Variants in CWC27 observed in about 807,000 individuals in gnomAD.
The protein encoded by CWC27 is spliceosome-associated protein CWC27 homolog.
CWC27 carries 47 observed loss-of-function variants against 63.6 expected under a neutral mutation model. The observed-to-expected ratio is 0.74, with a 90% confidence interval of 0.58 to 0.94. The LOEUF (loss-of-function observed/expected upper bound fraction) is 0.94, where lower values mean the gene tolerates loss of function less well. Ranked by LOEUF, CWC27 falls within the 40% of genes least tolerant of loss-of-function variation. The pLI, the probability that CWC27 is intolerant of heterozygous loss-of-function variation, is 0.00. For synonymous variants in CWC27, 175 were observed against 179.8 expected, an observed-to-expected ratio of 0.97 and a Z score of 0.22; for missense variants, 495 against 554.3, an observed-to-expected ratio of 0.89 and a Z score of 1.07.
At chr5:64,797,231 T>A (rs553062721) in intron 7 of CWC27, among the ~76,000 whole-genome samples, 2 of 152,256 alleles carry the variant, frequency 1.3e-5, no homozygotes, top group East Asian at 3.9e-4. Context: ...AAAAATATAT[T>A]TGGTGTTTGT....
intron 13 of CWC27, among the ~76,000 whole-genome samples, chr5:65,016,302 A>T (rs553193081): frequency 5.9e-5 from 9 of 152,314 alleles, no homozygotes; most frequent in African/African-American, 2.2e-4. Flanking sequence ...ATATTCAGGT[A>T]TTAAGATCAG....
chr5:64,835,908 C>T (rs1009153040), intron 10 of CWC27, among the ~76,000 whole-genome samples: 1 of 151,726 alleles, frequency 6.6e-6, no homozygotes, highest in Non-Finnish European at 1.5e-5. Context: ...ATCCTTGGGA[C>T]TGCTGAAATG....
At chr5:64,963,061 T>C (rs906852811) in intron 11 of CWC27, among the ~76,000 whole-genome samples, 3 of 151,930 alleles carry the variant, frequency 2.0e-5, no homozygotes, top group African/African-American at 7.3e-5. Flanking sequence ...TTCAAGCAAT[T>C]CTCCTGCCTC....
intron 2 of CWC27, among the ~76,000 whole-genome samples, chr5:64,778,778 G>A (rs1561401200): frequency 6.6e-6 from 1 of 152,072 alleles, no homozygotes; most frequent in African/African-American, 2.4e-5. Context: ...AAGACCTTTT[G>A]GTTTTTATAG....
chr5:64,772,314 T>A (rs1233486957), intron 1 of CWC27, among the ~76,000 whole-genome samples: 7 of 152,272 alleles, frequency 4.6e-5, no homozygotes, highest in African/African-American at 1.7e-4. Context: ...TTTGTTTAAA[T>A]TCATTATTTA....
At chr5:64,807,823 C>T (rs1166122569) in intron 10 of CWC27, 1 of 1,532,486 alleles carries the variant, frequency 6.5e-7, no homozygotes, top group South Asian at 1.2e-5. Context: ...ATTTCTTCAA[C>T]CCGTATTTCT....
At chr5:64,786,673 C>T in intron 6 of CWC27, 46 bp downstream of exon 6, 1 of 1,149,004 alleles carries the variant, frequency 8.7e-7, no homozygotes, top group Non-Finnish European at 1.2e-6. Context: ...AAATGACACT[C>T]ATTCATTTAG....
At chr5:65,004,728 T>C (rs1490453861) in intron 13 of CWC27, among the ~76,000 whole-genome samples, 1 of 150,654 alleles carries the variant, frequency 6.6e-6, no homozygotes, top group African/African-American at 2.4e-5. Flanking sequence ...TGGAGAATTA[T>C]TGTGTTCCTT....
At chr5:64,846,878 C>T (rs761317720) in intron 10 of CWC27, among the ~76,000 whole-genome samples, 1 of 151,122 alleles carries the variant, frequency 6.6e-6, no homozygotes, top group Non-Finnish European at 1.5e-5. Flanking sequence ...CCTGTAATCC[C>T]AGCTACTCGG....
chr5:64,957,994 A>G (rs1001355489), intron 11 of CWC27, among the ~76,000 whole-genome samples: 2 of 152,168 alleles, frequency 1.3e-5, no homozygotes, highest in African/African-American at 2.4e-5. Context: ...TTTATTACCA[A>G]CATAACTGCT....
Position 64,878,244 on chromosome 5 carries a change from T to C in CWC27, c.939-7199T>C, listed in dbSNP as rs2112333868. ...TACTTTGTCTAATCATTTGGAATGC[T>C]ATAAGTTGACATTAGTTTTAAATGA... On this transcript the variant is annotated intron_variant, in intron 10 of 13. Coordinates refer to ENST00000381070, the MANE Select transcript of CWC27 (RefSeq NM_005869.4). 2.0e-5 allele frequency among the ~76,000 whole-genome samples: 3 copies of C among 151,854 alleles called. No homozygotes were observed. The East Asian group carries it at 5.8e-4, about 29-fold the overall frequency.
chr5:64,921,908 G>A lies in CWC27; in HGVS notation c.1042+36362G>A, dbSNP rs561994357. On this transcript the variant is annotated intron_variant, in intron 11 of 13. Transcript: ENST00000381070. ...CTGAAAAGGATTTCATTTCTCCTTCGCTTATGAAGCTTAGTTTGGCAGAAT... is the reference window on the plus strand; with the variant it reads ...CTGAAAAGGATTTCATTTCTCCTTCACTTATGAAGCTTAGTTTGGCAGAAT... Among the ~76,000 whole-genome samples, 8 of 152,220 alleles carry A rather than the reference G, an allele frequency of 5.3e-5. 1 individual carries two copies. The highest frequency in any genetic ancestry group is 3.9e-4 in the East Asian group (2 of 5,188).
rs137942699 is a variant in CWC27, at chr5:64,952,153, A to G, written c.1043-19550A>G. Among the ~76,000 whole-genome samples the G allele has an allele frequency of 1.5e-3, 221 of 152,120 alleles. 1 individual carries two copies. The highest frequency in any genetic ancestry group is 5.2e-3 in the African/African-American group (215 of 41,530). On this transcript the variant is annotated intron_variant, in intron 11 of 13. Transcript: ENST00000381070. ...CTTTAAATCAACTCTAGATTACTTT[A>G]TAATACCTAATGTAATGTAAATGAT... is the stretch of plus-strand genomic sequence containing the variant.
intron 10 of CWC27, among the ~76,000 whole-genome samples, chr5:64,872,037 G>A (rs1580692131): frequency 6.6e-6 from 1 of 152,080 alleles, no homozygotes; most frequent in African/African-American, 2.4e-5. Context: ...TATCAGGAAG[G>A]CCACATTTAG....
chr5:64,958,321 C>T (rs779719071), intron 11 of CWC27, among the ~76,000 whole-genome samples: 15 of 152,122 alleles, frequency 9.9e-5, no homozygotes, highest in East Asian at 3.9e-4. Flanking sequence ...TGTGTAGAAA[C>T]GAGACACTGG....
At chr5:64,940,842 C>CTTTTTTT (rs70983655) in intron 11 of CWC27, among the ~76,000 whole-genome samples, 79 of 64,902 alleles carry the variant, frequency 1.2e-3, no homozygotes, top group East Asian at 1.8e-3. Flanking sequence ...TTCTTTCTTT[C>CTTTTTTT]TTTTTTTTTT....
chr5:64,946,346 T>G (rs1326470330), intron 11 of CWC27, among the ~76,000 whole-genome samples: 1 of 152,188 alleles, frequency 6.6e-6, no homozygotes, highest in Non-Finnish European at 1.5e-5. Context: ...GTAATGCATA[T>G]AGCAAATAAT....
chr5:64,956,151 A>G (rs1010297308), intron 11 of CWC27, among the ~76,000 whole-genome samples: 1 of 152,174 alleles, frequency 6.6e-6, no homozygotes, highest in Non-Finnish European at 1.5e-5. Flanking sequence ...AACTTTATAA[A>G]AGGCTCACAA....
chr5:64,786,920 T>C (rs984019395), intron 6 of CWC27, among the ~76,000 whole-genome samples: 5 of 152,194 alleles, frequency 3.3e-5, no homozygotes, highest in African/African-American at 1.2e-4. Flanking sequence ...ACAGGTTTAA[T>C]TGACTCACAA....
Sources: gnomAD v4.1 joint callset for allele counts (sites outside exome capture counted in the v4.1 genomes callset) on GRCh38, gnomAD v4.1.1 for gene constraint, MANE v1.5 for transcripts, NCBI Gene and HGNC (gene_info 2026-07-23, HGNC 2026-07-21) for gene names.